The following MSI2 variants were observed in gnomAD, a reference collection of about 807,000 sequenced individuals.
MSI2 encodes RNA-binding protein Musashi homolog 2.
In MSI2, 17 loss-of-function variants were observed where a neutral mutation model predicts 45.6. That is an observed-to-expected ratio of 0.37 (90% CI 0.26 to 0.56). The LOEUF is 0.56. Among genes scored for constraint, MSI2 ranks in the 20% least tolerant of loss-of-function variants. The pLI, the probability that MSI2 is intolerant of heterozygous loss-of-function variation, is 0.77. For missense variants in MSI2, 293 were observed against 444.2 expected (o/e 0.66, Z 3.06); for synonymous variants, 156 against 158.2 (o/e 0.99, Z 0.11).
intron 7 of MSI2, among the ~76,000 whole-genome samples, chr17:57,577,161 G>A (rs1015564869): frequency 6.6e-6 from 1 of 152,202 alleles, no homozygotes; most frequent in Admixed American, 6.5e-5. Flanking sequence ...TGGGAGGGGG[G>A]CCAGGCTGCT....
intron 6 of MSI2, among the ~76,000 whole-genome samples, chr17:57,458,902 C>T (rs529736059): frequency 6.6e-6 from 1 of 152,170 alleles, no homozygotes. Context: ...GGGCACCTGG[C>T]GAGAGCGTTG....
At chr17:57,397,939 T>G (rs1277573793) in intron 5 of MSI2, among the ~76,000 whole-genome samples, 1 of 152,200 alleles carries the variant, frequency 6.6e-6, no homozygotes. Flanking sequence ...CTGGAGAGGA[T>G]GTTTTAGTAA....
chr17:57,610,456 A>ACCACCAGCAGC (rs1907143686), intron 8 of MSI2, among the ~76,000 whole-genome samples: 4,364 of 99,558 alleles, frequency 0.044, 1,229 homozygotes, highest in Non-Finnish European at 0.074. Flanking sequence ...CGTCTAAAAA[A>ACCACCAGCAGC]AAAAAAAATT....
At chr17:57,700,817 G>T in the MSI2 span, among the ~76,000 whole-genome samples, 1 of 151,856 alleles carries the variant, frequency 6.6e-6, no homozygotes, top group Non-Finnish European at 1.5e-5. Flanking sequence ...CAGGAGAATC[G>T]CTTGAACTCG....
Position 57,681,001 on chromosome 17 carries a change from A to G in MSI2, c.*1484A>G. 1 of 187,040 alleles carries G rather than the reference A, an allele frequency of 5.3e-6. No individual in the cohort carries two copies. The highest frequency in any genetic ancestry group is 8.5e-5 in the East Asian group (1 of 11,706). The allele number at this position is 187,040 out of a possible 1,614,324, so 11.6% of individuals were successfully genotyped here. On this transcript the variant is annotated 3_prime_UTR_variant, in exon 14 of 14. Coordinates refer to ENST00000284073, the MANE Select transcript of MSI2 (RefSeq NM_138962.4). ...AATTAGGAAAGCAACCTTTTGGTTT[A>G]TATATATTTTTTTTAATACCTCAGT...
At chr17:57,285,774 C>A in intron 5 of MSI2, 1 of 1,224,612 alleles carries the variant, frequency 8.2e-7, no homozygotes, top group Non-Finnish European at 1.1e-6. Flanking sequence ...TCTTAGCAAG[C>A]ATCATTATAT....
intron 11 of MSI2, among the ~76,000 whole-genome samples, chr17:57,653,475 C>T (rs1315602202): frequency 1.3e-5 from 2 of 152,142 alleles, no homozygotes; most frequent in Non-Finnish European, 2.9e-5. Flanking sequence ...GCCAGTGTCC[C>T]TCAGTCCCCC....
chr17:57,472,115 C>T (rs2085449673), intron 6 of MSI2, among the ~76,000 whole-genome samples: 1 of 152,154 alleles, frequency 6.6e-6, no homozygotes, highest in African/African-American at 2.4e-5. Context: ...CTGCCGGTTC[C>T]TGCCTGTGAG....
intron 7 of MSI2, among the ~76,000 whole-genome samples, chr17:57,563,914 C>T (rs2087660936): frequency 6.6e-6 from 1 of 152,160 alleles, no homozygotes; most frequent in Admixed American, 6.5e-5. Flanking sequence ...CTGGAAGATC[C>T]CATTGTCTGG....
At chr17:57,519,574 C>A (rs1342511979) in intron 6 of MSI2, among the ~76,000 whole-genome samples, 3 of 152,088 alleles carry the variant, frequency 2.0e-5, no homozygotes, top group Admixed American at 1.3e-4. Context: ...GGAAGAGACC[C>A]AATATCCTCC....
intron 8 of MSI2, among the ~76,000 whole-genome samples, chr17:57,599,385 G>C (rs1905611648): frequency 6.6e-6 from 1 of 152,220 alleles, no homozygotes; most frequent in East Asian, 1.9e-4. Context: ...GTTGGAGCTT[G>C]GGGGTGGGAG....
At chr17:57,632,536 G>T (rs1294847183) in intron 10 of MSI2, 30 of 1,067,178 alleles carry the variant, frequency 2.8e-5, no homozygotes, top group Non-Finnish European at 3.4e-5. Flanking sequence ...CTCCCTGCCT[G>T]TGCTGGCCTG....
intron 5 of MSI2, among the ~76,000 whole-genome samples, chr17:57,373,128 G>A (rs771772850): frequency 5.9e-5 from 9 of 151,886 alleles, no homozygotes; most frequent in Admixed American, 1.3e-4. Flanking sequence ...GTGGTGGTGT[G>A]TGTCTGTAGT....
intron 7 of MSI2, among the ~76,000 whole-genome samples, chr17:57,564,464 C>T (rs1023499413): frequency 2.6e-5 from 4 of 152,150 alleles, no homozygotes; most frequent in Non-Finnish European, 5.9e-5. Flanking sequence ...AGTGAGGTGG[C>T]CTGGAAACCA....
chr17:57,412,846 C>A (rs2084222224), intron 6 of MSI2, among the ~76,000 whole-genome samples: 1 of 152,188 alleles, frequency 6.6e-6, no homozygotes, highest in Admixed American at 6.5e-5. Flanking sequence ...TGGTATTAGA[C>A]CCAGCTCATC....
intron 6 of MSI2, among the ~76,000 whole-genome samples, chr17:57,517,003 G>T (rs1162809954): frequency 1.3e-5 from 2 of 152,174 alleles, no homozygotes; most frequent in South Asian, 4.1e-4. Flanking sequence ...AAGTAACTTT[G>T]CCCAGTGACT....
At chr17:57,301,519 C>T (rs537052728) in intron 5 of MSI2, among the ~76,000 whole-genome samples, 13 of 152,378 alleles carry the variant, frequency 8.5e-5, no homozygotes, top group African/African-American at 2.9e-4. Context: ...TGTTTCTTCC[C>T]GGTTTTACCT....
In MSI2 at chr17:57,682,930, C is replaced by G; in HGVS notation, c.*3413C>G. On this transcript the variant is annotated 3_prime_UTR_variant, in exon 14 of 14. Coordinates refer to ENST00000284073, the MANE Select transcript of MSI2 (RefSeq NM_138962.4). The stretch of plus-strand genomic sequence containing the variant: ...CTGGGCATGGGGCTGACGGAGATGA[C>G]CAAGCCTTGGTCTGCTCTCTAGCAG... The G allele has an allele frequency of 4.4e-6, 1 of 227,536 alleles. No individual in the cohort carries two copies. 14.1% of individuals were successfully genotyped at this position (227,536 alleles called of 1,614,324 possible). A position where few individuals can be genotyped will look rare whatever the true frequency, so the allele number is the denominator to read the frequency against.
intron 6 of MSI2, among the ~76,000 whole-genome samples, chr17:57,500,507 G>A (rs2086080130): frequency 6.6e-6 from 1 of 151,634 alleles, no homozygotes. Flanking sequence ...GGAGGAGGTT[G>A]GACAGTTGCC....
Sources: allele counts gnomAD v4.1 joint callset (sites outside exome capture counted in the v4.1 genomes callset), GRCh38; gene constraint gnomAD v4.1.1; transcripts MANE v1.5; gene names NCBI Gene and HGNC (gene_info 2026-07-23, HGNC 2026-07-21).